SI: variants seen among roughly 807,000 people sequenced by gnomAD.
SI encodes the protein sucrase-isomaltase, intestinal.
Under a neutral mutation model 253.3 loss-of-function variants are expected in SI, and 235 were observed. The ratio of observed to expected loss-of-function variants is 0.93; its 90% CI spans 0.83 to 1.03. The LOEUF (loss-of-function observed/expected upper bound fraction) is 1.03. SI is among the 50% of genes least tolerant of loss of function. SI has a pLI of 0.00. For missense variants in SI, 2,442 were observed against 2,211.1 expected (o/e 1.10, Z -2.09); for synonymous variants, 819 against 712.0 (o/e 1.15, Z -2.39).
intron 34 of SI, 37 bp from the exon 35 acceptor site, chr3:165,009,432 C>A: frequency 9.1e-7 from 1 of 1,101,412 alleles, no homozygotes; most frequent in South Asian, 1.2e-5. Flanking sequence ...TGTGGAAAGT[C>A]TTAAGAGAGA....
chr3:165,053,154 A>G (rs1267109125), intron 13 of SI, among the ~76,000 whole-genome samples: 1 of 151,768 alleles, frequency 6.6e-6, no homozygotes, highest in African/African-American at 2.4e-5. Flanking sequence ...TTTCTCAACT[A>G]TTCGATTATC....
Position 165,065,441 on chromosome 3 carries a change from TA to T in SI, c.636-10del. The T allele has an allele frequency of 8.9e-7, 1 of 1,123,814 alleles. No homozygotes were observed. The highest frequency in any genetic ancestry group is 1.2e-6 in the Non-Finnish European group (1 of 825,954). The allele number at this position is 1,123,814 out of a possible 1,614,324, so 69.6% of individuals were successfully genotyped here. ...CAATGCTGGTGTCAAACCTGCACCATAAAAGAAATAAAGAAATAATCTAATA... is the reference window on the plus strand; with the variant it reads ...CAATGCTGGTGTCAAACCTGCACCATAAAGAAATAAAGAAATAATCTAATA... On this transcript the variant is annotated splice_polypyrimidine_tract_variant and intron_variant, in intron 6 of 47. Coordinates refer to ENST00000264382, the MANE Select transcript of SI (RefSeq NM_001041.4).
upstream of SI, chr3:165,078,614 C>A (rs1715153214): frequency 1.3e-5 from 2 of 151,780 alleles, no homozygotes; most frequent in Non-Finnish European, 1.5e-5. Context: ...AAAGCCTTAA[C>A]CCTGAAAGTA....
intron 34 of SI, among the ~76,000 whole-genome samples, chr3:165,011,199 T>C (rs1286847918): frequency 6.6e-6 from 1 of 152,126 alleles, no homozygotes; most frequent in Non-Finnish European, 1.5e-5. Flanking sequence ...AGAGGTAATG[T>C]TATTTATTTG....
intron 1 of SI, among the ~76,000 whole-genome samples, chr3:165,076,829 T>C (rs867534694): frequency 6.6e-6 from 1 of 151,676 alleles, no homozygotes; most frequent in Non-Finnish European, 1.5e-5. Flanking sequence ...ACCACATATA[T>C]CTTATTTTTC....
the SI span, among the ~76,000 whole-genome samples, chr3:165,088,758 G>GA: frequency 6.7e-6 from 1 of 149,074 alleles, no homozygotes; most frequent in South Asian, 2.1e-4. Flanking sequence ...CATTTTAAAG[G>GA]TTTTTTTTTT....
At chr3:165,010,398 T>C (rs938419516) in intron 34 of SI, among the ~76,000 whole-genome samples, 3 of 152,040 alleles carry the variant, frequency 2.0e-5, no homozygotes, top group Non-Finnish European at 2.9e-5. Context: ...TGACCTCAGG[T>C]GATCCACACG....
chr3:164,979,396 G>T lies in SI; in HGVS notation c.5450C>A (p.Thr1817Asn). 1 of 1,587,820 alleles carries T rather than the reference G, an allele frequency of 6.3e-7. No individual in the cohort carries two copies. Among genetic ancestry groups the T allele is most frequent in the Non-Finnish European group, 8.6e-7 (1 of 1,157,676 alleles). Reference protein sequence around the residue: ...LRIDLTTHNVTLEEPIEINWS With the variant: ...LRIDLTTHNVNLEEPIEINWS ...GTTGATTTCTATTGGTTCTTCTAGA[G>T]TAACATTGTGTGTGGTCAGATCAAT... Residue 1817 changes from threonine to asparagine, a missense_variant, in exon 48 of 48, where the codon ACT becomes AAT. Physicochemically the swap from Thr to Asn is moderately conservative, Grantham distance 65. Transcript: ENST00000264382.
At chr3:165,035,155 G>A (rs1045271686) in intron 22 of SI, among the ~76,000 whole-genome samples, 2 of 151,964 alleles carry the variant, frequency 1.3e-5, no homozygotes, top group African/African-American at 4.8e-5. Flanking sequence ...TTATGTTTTA[G>A]ATTTTTATTA....
intron 45 of SI, among the ~76,000 whole-genome samples, chr3:164,986,789 G>A (rs954715866): frequency 1.3e-5 from 2 of 152,084 alleles, no homozygotes; most frequent in African/African-American, 4.8e-5. Context: ...TAATAATGTG[G>A]TTATTCAGCT....
At chr3:165,000,843 C>A (rs2108143447) in intron 37 of SI, among the ~76,000 whole-genome samples, 1 of 151,328 alleles carries the variant, frequency 6.6e-6, no homozygotes, top group Middle Eastern at 3.4e-3. Flanking sequence ...TCTTTGTTAC[C>A]ACTTGACATT....
At chr3:165,018,195 A>G (rs898008054) in intron 28 of SI, 129 bp from the exon 29 acceptor site, 3 of 650,200 alleles carry the variant, frequency 4.6e-6, no homozygotes, top group South Asian at 1.8e-5. Context: ...ACCTTAAACT[A>G]TGCTTCAGTT....
At chr3:165,020,810 ACT>A (rs1711558145) in intron 27 of SI, among the ~76,000 whole-genome samples, 1 of 151,862 alleles carries the variant, frequency 6.6e-6, no homozygotes, top group South Asian at 2.1e-4. Context: ...ACTTATTTTC[ACT>A]AATACCTGGC....
chr3:164,980,057 C>G (rs1011831387), intron 47 of SI, among the ~76,000 whole-genome samples: 3 of 151,688 alleles, frequency 2.0e-5, no homozygotes, highest in Admixed American at 2.0e-4. Flanking sequence ...TCCTTTTTGT[C>G]CAATGAACTG....
rs563120073 is a variant in SI, at chr3:165,049,771, G to A, written c.1597+20C>T. ...TTATTCTCAATTAAAACAGTAATTAGATAACCAAATAAATTTTACCAGGAG... is the reference window on the plus strand; with the variant it reads ...TTATTCTCAATTAAAACAGTAATTAAATAACCAAATAAATTTTACCAGGAG... On this transcript the variant is annotated intron_variant, in intron 14 of 47. Transcript: ENST00000264382. 2.7e-5 allele frequency: 37 copies of A among 1,358,476 alleles called. No homozygotes were observed. In the East Asian group the frequency reaches 8.3e-4, roughly 31 times the overall value. The allele number at this position is 1,358,476 out of a possible 1,614,324, so 84.2% of individuals were successfully genotyped here.
chr3:165,049,037 T>A, intron 15 of SI, 90 bp downstream of exon 15: 1 of 822,998 alleles, frequency 1.2e-6, no homozygotes, highest in Non-Finnish European at 2.1e-6. Flanking sequence ...TCAACTTTGC[T>A]ATTTCCTAAT....
chr3:164,992,981 G>C (rs2108128681), intron 41 of SI, among the ~76,000 whole-genome samples: 1 of 151,424 alleles, frequency 6.6e-6, no homozygotes, highest in African/African-American at 2.4e-5. Flanking sequence ...ACTATTAAAT[G>C]TTCACATTTC....
intron 7 of SI, among the ~76,000 whole-genome samples, chr3:165,064,830 A>G (rs1240633770): frequency 6.6e-6 from 1 of 152,134 alleles, no homozygotes; most frequent in Admixed American, 6.6e-5. Context: ...GTTACGGAAA[A>G]TGACTATATA....
the SI span, among the ~76,000 whole-genome samples, chr3:165,084,026 T>C: frequency 2.6e-4 from 39 of 151,970 alleles, no homozygotes; most frequent in Non-Finnish European, 5.0e-4. Flanking sequence ...TCCAAATTCA[T>C]ATGCTGAAAT....
Sources: gnomAD v4.1 joint callset for allele counts (sites outside exome capture counted in the v4.1 genomes callset) on GRCh38, gnomAD v4.1.1 for gene constraint, MANE v1.5 for transcripts, NCBI Gene and HGNC (gene_info 2026-07-23, HGNC 2026-07-21) for gene names.